The following BNIP5 variants were observed in gnomAD, a reference collection of about 807,000 sequenced individuals.
The protein encoded by BNIP5 is protein BNIP5.
In BNIP5, 61 loss-of-function variants were observed where a neutral mutation model predicts 67.3. The ratio of observed to expected loss-of-function variants is 0.91; its 90% CI spans 0.74 to 1.12. The LOEUF is 1.12. BNIP5 is among the 50% of genes most tolerant of loss of function. The pLI is 0.00. For missense variants in BNIP5, 826 were observed against 816.3 expected (o/e 1.01, Z -0.14); for synonymous variants, 317 against 319.0 (o/e 0.99, Z 0.07).
chr6:36,335,553 C>G (rs1435516250), intron 1 of BNIP5, among the ~76,000 whole-genome samples: 6 of 152,232 alleles, frequency 3.9e-5, no homozygotes, highest in Non-Finnish European at 8.8e-5. Flanking sequence ...GGTCCTAACT[C>G]TAAATTCCAT....
chr6:36,334,962 G>A (rs572794325), intron 1 of BNIP5, among the ~76,000 whole-genome samples: 5 of 152,324 alleles, frequency 3.3e-5, no homozygotes, highest in African/African-American at 1.2e-4. Context: ...TTGTAAACTT[G>A]TTATTGCCTT....
rs1266953226 is a variant in BNIP5 at position 36,321,214 on chromosome 6, TCTC to T, written c.1606_1608del (p.Glu536del). 6.3e-7 allele frequency: 1 copy of T among 1,595,982 alleles called. No individual in the cohort carries two copies. Among genetic ancestry groups the T allele is most frequent in the Non-Finnish European group, 8.5e-7 (1 of 1,170,442 alleles). ...AGTGCCACAAGCTTCTGGATGATGA[TCTC>T]CTCTAAGGAAAAGAAAGGAGGATTG... On this transcript the variant is annotated inframe_deletion and splice_region_variant, in exon 10 of 12. Transcript: ENST00000437635.
At chr6:36,323,877 G>A (rs1453705057) in intron 7 of BNIP5, among the ~76,000 whole-genome samples, 1 of 152,090 alleles carries the variant, frequency 6.6e-6, no homozygotes, top group Non-Finnish European at 1.5e-5. Flanking sequence ...GCGCATGCCT[G>A]TAGTCCCAGC....
chr6:36,324,430 C>CTA (rs1394935524), intron 6 of BNIP5, among the ~76,000 whole-genome samples: 1 of 151,032 alleles, frequency 6.6e-6, no homozygotes, highest in African/African-American at 2.4e-5. Context: ...GGCCCATTCC[C>CTA]TACAGGTGCC....
chr6:36,330,587 T>A lies in BNIP5; in HGVS notation c.104A>T (p.His35Leu), dbSNP rs756123428. The change falls in exon 2 of 12, where the codon CAT becomes CTT. Residue 35 changes from histidine to leucine, a missense_variant. By Grantham distance (99) the His-to-Leu change is moderately conservative. Coordinates refer to ENST00000437635, the MANE Select transcript of BNIP5 (RefSeq NM_001010903.5). ...GGGGGCAGTGGGCAGGGAGAGCCAA[T>A]GGCAGTCCCACGACTCCGAGCCTTT... ...PGKGSESWDC[H>L]WLSLPTAPSR... 6.2e-7 allele frequency: 1 copy of A among 1,613,144 alleles called. No homozygotes were observed. Among genetic ancestry groups the A allele is most frequent in the Non-Finnish European group, 8.5e-7 (1 of 1,179,992 alleles).
Position 36,317,166 on chromosome 6 carries a change from C to T in BNIP5, c.*190G>A. On this transcript the variant is annotated 3_prime_UTR_variant, in exon 12 of 12. Coordinates refer to ENST00000437635, the MANE Select transcript of BNIP5 (RefSeq NM_001010903.5). ...ATTTCCCCAGACATGGCCTCTGTGT[C>T]TTGCCTTGTGGAAGAATGCTCTGTG... 1.6e-6 allele frequency: 1 copy of T among 629,440 alleles called. No individual in the cohort carries two copies. Among genetic ancestry groups the T allele is most frequent in the Non-Finnish European group, 2.9e-6 (1 of 349,708 alleles). 39.0% of individuals were successfully genotyped at this position (629,440 alleles called of 1,614,324 possible).
chr6:36,324,983 C>T (rs898725696), intron 6 of BNIP5, among the ~76,000 whole-genome samples: 1 of 152,140 alleles, frequency 6.6e-6, no homozygotes, highest in Admixed American at 6.5e-5. Context: ...AGACTCAAAC[C>T]AAGGTCCATA....
rs201572836 is a variant in BNIP5 at position 36,330,117 on chromosome 6, G to T, written c.574C>A (p.Arg192Ser). 1.1e-4 allele frequency: 174 copies of T among 1,610,492 alleles called. No homozygotes were observed. The highest frequency in any genetic ancestry group is 1.4e-4 in the Non-Finnish European group (166 of 1,179,780). The change falls in exon 2 of 12, where the codon CGC becomes AGC. Residue 192 changes from arginine to serine, a missense_variant. By Grantham distance (110) the Arg-to-Ser change is moderately radical. Transcript: ENST00000437635. ...GGGCCCAGGTCAGCCTCCCCGGAGC[G>T]CAAGGCAGCAGCTGCCTTGGACAAC... ...EGLSKAAAALRSGEADLGPAR... is the reference protein window; with the variant it reads ...EGLSKAAAALSSGEADLGPAR...
intron 8 of BNIP5, 145 bp from the exon 9 acceptor site, chr6:36,322,587 A>G (rs982287049): frequency 1.2e-6 from 1 of 842,058 alleles, no homozygotes; most frequent in South Asian, 1.7e-5. Context: ...GCCTCAGAGG[A>G]GTTCGTGGTG....
Position 36,319,566 on chromosome 6 carries a change from C to T in BNIP5, c.1713G>A (p.Ser571=), listed in dbSNP as rs369990047. The T allele has an allele frequency of 4.8e-5, 77 of 1,613,652 alleles. No homozygotes were observed. The highest frequency in any genetic ancestry group is 5.7e-5 in the Non-Finnish European group (67 of 1,179,764). The change falls in exon 11 of 12, where the codon TCG becomes TCA. Residue 571 remains serine (S), a synonymous_variant. Transcript: ENST00000437635. ...CTACCAGCTTGCTGAGGGAGGAGTC[C>T]GAGAACTCGTAAAAAAACCTCTTAA... ...PSFKRFFYEF[S]DSSLSKLVAT...
At chr6:36,320,324 A>C (rs1291372793) in intron 10 of BNIP5, among the ~76,000 whole-genome samples, 1 of 152,192 alleles carries the variant, frequency 6.6e-6, no homozygotes, top group African/African-American at 2.4e-5. Flanking sequence ...TAATCCACTC[A>C]GGGCACCTTG....
chr6:36,328,704 A>G lies in BNIP5; in HGVS notation c.621T>C (p.Asp207=). 4 of 1,611,222 alleles carry G rather than the reference A, an allele frequency of 2.5e-6. No individual in the cohort carries two copies. The highest frequency in any genetic ancestry group is 3.4e-6 in the Non-Finnish European group (4 of 1,177,400). Residue 207 remains aspartate, a synonymous_variant, in exon 3 of 12, where the codon GAT becomes GAC. Coordinates refer to ENST00000437635, the MANE Select transcript of BNIP5 (RefSeq NM_001010903.5). ...TGATGAGGAAGGACTGGTGATCAGA[A>G]TCTTCCCCACCTGGAATAGAGACGA... ...DLGPARRGGE[D]SDHQSFLIKV...
intron 3 of BNIP5, 39 bp from the exon 4 acceptor site, chr6:36,327,133 T>G (rs777505904): frequency 8.3e-5 from 130 of 1,566,410 alleles, no homozygotes; most frequent in South Asian, 7.8e-5. Context: ...TCTTTCTAAA[T>G]GCACTGACAA....
chr6:36,319,595 T>G lies in BNIP5; in HGVS notation c.1684A>C (p.Ser562Arg). 6.2e-7 allele frequency: 1 copy of G among 1,611,992 alleles called. No homozygotes were observed. The highest frequency in any genetic ancestry group is 8.5e-7 in the Non-Finnish European group (1 of 1,178,266). ...AACTCGTAAAAAAACCTCTTAAAGCTGGGGTGGCGCCTGATCTGGAAGTGG... is the reference window on the plus strand; with the variant it reads ...AACTCGTAAAAAAACCTCTTAAAGCGGGGGTGGCGCCTGATCTGGAAGTGG... ...QLGQQIRRHP[S>R]FKRFFYEFSD... Residue 562 changes from serine (S) to arginine (R), a missense_variant, in exon 11 of 12, where the codon AGC (serine) becomes CGC (arginine). Coordinates refer to ENST00000437635, the MANE Select transcript of BNIP5 (RefSeq NM_001010903.5).
Position 36,316,574 on chromosome 6 carries a change from C to G in BNIP5, c.*782G>C, listed in dbSNP as rs1771519977. On this transcript the variant is annotated 3_prime_UTR_variant, in exon 12 of 12. Coordinates refer to ENST00000437635, the MANE Select transcript of BNIP5 (RefSeq NM_001010903.5). ...TGCAACAATCCATGGCAGTCCAGCC[C>G]ATTGAAGCCCTCCTCCACTTCCTGA... 1 of 398,616 alleles carries G rather than the reference C, an allele frequency of 2.5e-6. No individual in the cohort carries two copies. Among genetic ancestry groups the G allele is most frequent in the Admixed American group, 4.4e-5 (1 of 22,722 alleles). The allele number at this position is 398,616 out of a possible 1,614,324, so 24.7% of individuals were successfully genotyped here.
In BNIP5 at chr6:36,330,415, C is replaced by T. The variant is rs771547414; in HGVS notation, c.276G>A (p.Ser92=). 36 of 1,614,038 alleles carry T rather than the reference C, an allele frequency of 2.2e-5. No homozygotes were observed. The highest frequency in any genetic ancestry group is 1.6e-4 in the Middle Eastern group (1 of 6,084). Reference sequence around the variant, plus strand: ...TCAGCCACCCCTTCTTGGTGTCTTGCGAAGGCCTCTGCTCGCTGGGGAGAA... The same window carrying T: ...TCAGCCACCCCTTCTTGGTGTCTTGTGAAGGCCTCTGCTCGCTGGGGAGAA... The part of the protein sequence containing the change: ...GDFLPSEQRP[S]QDTKKGWLKT... The change falls in exon 2 of 12, where the codon TCG becomes TCA. Residue 92 remains serine (S), a synonymous_variant. Transcript: ENST00000437635.
At chr6:36,330,716 C>T in intron 1 of BNIP5, 22 bp from the exon 2 acceptor site, 2 of 1,523,980 alleles carry the variant, frequency 1.3e-6, no homozygotes, top group Non-Finnish European at 1.7e-6. Context: ...ACACACAGCT[C>T]CCTTAGTTTT....
intron 2 of BNIP5, among the ~76,000 whole-genome samples, chr6:36,329,198 C>T (rs1771829736): frequency 2.0e-5 from 3 of 152,222 alleles, no homozygotes; most frequent in South Asian, 4.1e-4. Flanking sequence ...GAAGCAGCAG[C>T]CCAGAAGCAC....
At chr6:36,322,508 G>A in intron 8 of BNIP5, 66 bp from the exon 9 acceptor site, 1 of 1,539,252 alleles carries the variant, frequency 6.5e-7, no homozygotes, top group East Asian at 2.3e-5. Flanking sequence ...ACAAGAAGCT[G>A]TTCGGAGGCA....
Sources: gnomAD v4.1 joint callset for allele counts (sites outside exome capture counted in the v4.1 genomes callset) on GRCh38, gnomAD v4.1.1 for gene constraint, MANE v1.5 for transcripts, NCBI Gene and HGNC (gene_info 2026-07-23, HGNC 2026-07-21) for gene names.